SLC24A2: variants seen among roughly 807,000 people sequenced by gnomAD.
The protein encoded by SLC24A2 is solute carrier family 24 member 2, also known as sodium/potassium/calcium exchanger 2.
In SLC24A2, 36 loss-of-function variants were observed where a neutral mutation model predicts 62.0. The ratio of observed to expected loss-of-function variants is 0.58; its 90% confidence interval spans 0.44 to 0.77. The LOEUF is 0.77. Among genes scored for constraint, SLC24A2 ranks in the 30% least tolerant of loss-of-function variants. The probability of loss-of-function intolerance (pLI) is 0.00; values close to 1 mark genes in which losing one functional copy is unlikely to be tolerated. For synonymous variants in SLC24A2, 358 were observed against 294.0 expected (o/e 1.22, Z -2.23); for missense variants, 846 against 817.9 (o/e 1.03, Z -0.42).
chr9:19,792,512 G>A (rs1312742146), upstream of SLC24A2, among the ~76,000 whole-genome samples: 2 of 118,150 alleles, frequency 1.7e-5, no homozygotes, highest in Non-Finnish European at 3.3e-5. Flanking sequence ...CCAACATGGT[G>A]AAACCCTGTC....
chr9:19,571,582 A>T (rs926781166), intron 7 of SLC24A2, among the ~76,000 whole-genome samples: 1 of 152,156 alleles, frequency 6.6e-6, no homozygotes, highest in Non-Finnish European at 1.5e-5. Flanking sequence ...ATCACTGGGG[A>T]GCTCATTAGA....
the SLC24A2 span, among the ~76,000 whole-genome samples, chr9:20,071,171 C>G: frequency 6.6e-6 from 1 of 152,166 alleles, no homozygotes; most frequent in Non-Finnish European, 1.5e-5. Flanking sequence ...TCCTGCACAG[C>G]CTTCAGAACT....
chr9:20,154,388 A>G, the SLC24A2 span, among the ~76,000 whole-genome samples: 1 of 151,832 alleles, frequency 6.6e-6, no homozygotes, highest in African/African-American at 2.4e-5. Context: ...TTGGTGGGAC[A>G]GATGAAAAAG....
the SLC24A2 span, among the ~76,000 whole-genome samples, chr9:19,947,684 G>A: frequency 5.3e-5 from 8 of 151,258 alleles, no homozygotes; most frequent in South Asian, 1.0e-3. Flanking sequence ...TCAGCTACTC[G>A]GGAGGCTGAG....
At chr9:20,244,523 C>T in the SLC24A2 span, among the ~76,000 whole-genome samples, 1 of 152,204 alleles carries the variant, frequency 6.6e-6, no homozygotes, top group African/African-American at 2.4e-5. Context: ...CTTGCCTTTG[C>T]ACCACTCCAA....
the SLC24A2 span, among the ~76,000 whole-genome samples, chr9:20,121,855 AT>A: frequency 3.3e-5 from 5 of 152,216 alleles, no homozygotes; most frequent in East Asian, 1.9e-4. Context: ...TCTTAAAAAA[AT>A]ATCCAGACCC....
chr9:19,605,362 C>A lies in SLC24A2; in HGVS notation c.1079-8083G>T, dbSNP rs143576243. Among the ~76,000 whole-genome samples the A allele has an allele frequency of 1.8e-4, 28 of 152,164 alleles. No homozygotes were observed. The East Asian group carries it at 3.3e-3, about 18-fold the overall frequency. ...TTCAAGTCTGCTCAATAGCTATGAACCCAAATGAAATCTGGCCTTTTGGAA... is the reference window on the plus strand; with the variant it reads ...TTCAAGTCTGCTCAATAGCTATGAAACCAAATGAAATCTGGCCTTTTGGAA... On this transcript the variant is annotated intron_variant, in intron 4 of 10. Transcript: ENST00000341998.
intron 7 of SLC24A2, among the ~76,000 whole-genome samples, chr9:19,556,837 C>T (rs12349316): frequency 0.11 from 16,894 of 152,220 alleles, 996 homozygotes; most frequent in African/African-American, 0.15. Context: ...TATTGCAAGG[C>T]AGAGCTCATT....
chr9:20,307,870 A>G, the SLC24A2 span, among the ~76,000 whole-genome samples: 6 of 152,096 alleles, frequency 3.9e-5, no homozygotes, highest in African/African-American at 1.4e-4. Context: ...GCAGCAATTG[A>G]TTTGACTACA....
In SLC24A2 at chr9:19,697,528, A is replaced by G. The variant is rs78029198; in HGVS notation, c.931-75229T>C. Among the ~76,000 whole-genome samples the G allele has an allele frequency of 4.8e-3, 725 of 152,312 alleles. 5 individuals are homozygous for G. The highest frequency in any genetic ancestry group is 0.016 in the African/African-American group (680 of 41,588). Reference sequence around the variant, plus strand: ...AGGAATTGAGAAAAGCATAAAAAGTATCTGTTCTTTTTAATTGCATAAATA... The same window carrying G: ...AGGAATTGAGAAAAGCATAAAAAGTGTCTGTTCTTTTTAATTGCATAAATA... On this transcript the variant is annotated intron_variant, in intron 2 of 10. Transcript: ENST00000341998.
At chr9:20,065,923 C>A in the SLC24A2 span, among the ~76,000 whole-genome samples, 2 of 152,294 alleles carry the variant, frequency 1.3e-5, no homozygotes, top group South Asian at 4.1e-4. Context: ...TCCCCAAGGG[C>A]TGGAAGGATA....
At chr9:19,828,424 T>G in the SLC24A2 span, among the ~76,000 whole-genome samples, 11 of 152,078 alleles carry the variant, frequency 7.2e-5, no homozygotes, top group Admixed American at 4.6e-4. Flanking sequence ...TTATTACCCA[T>G]ACAACTATTA....
chr9:19,688,571 C>G (rs548085687), intron 2 of SLC24A2, among the ~76,000 whole-genome samples: 5 of 151,618 alleles, frequency 3.3e-5, no homozygotes, highest in African/African-American at 1.2e-4. Flanking sequence ...AAGAAAAAAG[C>G]TGCATTTCAG....
At chr9:20,044,221 C>T in the SLC24A2 span, among the ~76,000 whole-genome samples, 427 of 152,022 alleles carry the variant, frequency 2.8e-3, 1 homozygote, top group African/African-American at 7.4e-3. Flanking sequence ...ATAGTGTAAA[C>T]GTAACTTTTA....
At chr9:19,873,851 C>A in the SLC24A2 span, among the ~76,000 whole-genome samples, 1 of 152,208 alleles carries the variant, frequency 6.6e-6, no homozygotes, top group Non-Finnish European at 1.5e-5. Flanking sequence ...CCCCAAATCA[C>A]CAAATCATCA....
At chr9:19,625,686 C>T (rs1324424055) in intron 2 of SLC24A2, among the ~76,000 whole-genome samples, 6 of 93,284 alleles carry the variant, frequency 6.4e-5, no homozygotes, top group Admixed American at 1.3e-4. Flanking sequence ...CCTTTTTTTT[C>T]TTTTCTTTTT....
intron 4 of SLC24A2, among the ~76,000 whole-genome samples, chr9:19,618,304 C>T (rs1470957829): frequency 1.3e-5 from 2 of 152,196 alleles, no homozygotes; most frequent in East Asian, 3.9e-4. Context: ...CCAGGTCTAA[C>T]ATCCTTGTCA....
At chr9:19,755,130 C>T (rs568656684) in intron 2 of SLC24A2, among the ~76,000 whole-genome samples, 1 of 152,274 alleles carries the variant, frequency 6.6e-6, no homozygotes, top group Admixed American at 6.5e-5. Context: ...CCTGGTCCCG[C>T]CTCTAGCTTG....
chr9:19,821,092 G>T, the SLC24A2 span, among the ~76,000 whole-genome samples: 1 of 152,018 alleles, frequency 6.6e-6, no homozygotes, highest in South Asian at 2.1e-4. Context: ...GGATTGTTAT[G>T]TAGGAGAGCT....
Sources: allele counts gnomAD v4.1 joint callset (sites outside exome capture counted in the v4.1 genomes callset), GRCh38; gene constraint gnomAD v4.1.1; transcripts MANE v1.5; gene names NCBI Gene and HGNC (gene_info 2026-07-23, HGNC 2026-07-21).